The following KHDRBS3 variants were observed in gnomAD, a reference collection of about 807,000 sequenced individuals.
KHDRBS3 encodes KH RNA binding domain containing, signal transduction associated 3, also known as KH domain-containing, RNA-binding, signal transduction-associated protein 3.
KHDRBS3 carries 23 observed loss-of-function variants against 45.6 expected under a neutral mutation model. The ratio of observed to expected loss-of-function variants is 0.50; its 90% CI spans 0.36 to 0.72. The LOEUF (loss-of-function observed/expected upper bound fraction) is 0.72, where lower values mean the gene tolerates loss of function less well. Ranked by LOEUF, KHDRBS3 falls within the 30% of genes least tolerant of loss-of-function variation. The pLI is 0.00. For synonymous variants in KHDRBS3, 162 were observed against 156.5 expected, an observed-to-expected ratio of 1.04 and a Z score of -0.26; for missense variants, 352 against 424.8, an observed-to-expected ratio of 0.83 and a Z score of 1.51.
intron 1 of KHDRBS3, among the ~76,000 whole-genome samples, chr8:135,492,728 G>A (rs1196127515): frequency 1.3e-5 from 2 of 151,954 alleles, no homozygotes; most frequent in East Asian, 3.9e-4. Context: ...AAATCAAGTA[G>A]TGCAAGTTCT....
intron 2 of KHDRBS3, among the ~76,000 whole-genome samples, chr8:135,525,026 G>T (rs1825109132): frequency 6.6e-6 from 1 of 151,968 alleles, no homozygotes; most frequent in South Asian, 2.1e-4. Flanking sequence ...GATTTATTTT[G>T]CACTGGGAGT....
At chr8:135,508,750 A>G (rs1824131699) in intron 1 of KHDRBS3, among the ~76,000 whole-genome samples, 1 of 152,174 alleles carries the variant, frequency 6.6e-6, no homozygotes, top group Admixed American at 6.5e-5. Flanking sequence ...TATTTGATAA[A>G]TGCATTGGGT....
intron 1 of KHDRBS3, among the ~76,000 whole-genome samples, chr8:135,483,423 G>A (rs1822685723): frequency 6.6e-6 from 1 of 152,166 alleles, no homozygotes; most frequent in African/African-American, 2.4e-5. Context: ...GGCTGTCATT[G>A]CCGTCAGATT....
chr8:135,575,279 C>T (rs1311256083), intron 5 of KHDRBS3, among the ~76,000 whole-genome samples: 3 of 152,154 alleles, frequency 2.0e-5, no homozygotes, highest in Admixed American at 6.5e-5. Context: ...AGAAATATTA[C>T]GTCCTTCTCC....
intron 1 of KHDRBS3, among the ~76,000 whole-genome samples, chr8:135,512,850 A>C (rs1017117620): frequency 3.3e-5 from 5 of 152,238 alleles, no homozygotes; most frequent in Non-Finnish European, 7.3e-5. Context: ...AGTTTTATAC[A>C]GCAAAACAGG....
At chr8:135,464,043 C>T (rs1821572082) in intron 1 of KHDRBS3, among the ~76,000 whole-genome samples, 1 of 152,136 alleles carries the variant, frequency 6.6e-6, no homozygotes, top group Non-Finnish European at 1.5e-5. Context: ...GGCTCAAAAA[C>T]ACTAAGTAAC....
In KHDRBS3 at chr8:135,536,234, GTTTTTT is replaced by G. The variant is rs374782370; in HGVS notation, c.208-6397_208-6392del. ...TCAGTGTTAATTTGCTTTCTGTCCA[GTTTTTT>G]TTTTTTTTTTTTTTTTTTTTTTATT... On this transcript the variant is annotated intron_variant, in intron 2 of 8. Transcript: ENST00000355849. Among the ~76,000 whole-genome samples the G allele has an allele frequency of 4.2e-3, 362 of 86,396 alleles. 1 individual carries two copies. Among genetic ancestry groups the G allele is most frequent in the African/African-American group, 0.011 (319 of 28,304 alleles). The allele number at this position is 86,396 out of a possible 152,430, so 56.7% of individuals were successfully genotyped here.
At chr8:135,589,371 AG>A (rs947427888) in intron 6 of KHDRBS3, among the ~76,000 whole-genome samples, 2 of 152,200 alleles carry the variant, frequency 1.3e-5, no homozygotes, top group Non-Finnish European at 2.9e-5. Flanking sequence ...TAGTCTCTTC[AG>A]GATAAAGTTG....
At chr8:135,512,434 G>GGGT (rs1824342231) in intron 1 of KHDRBS3, among the ~76,000 whole-genome samples, 1 of 135,110 alleles carries the variant, frequency 7.4e-6, no homozygotes, top group Non-Finnish European at 1.6e-5. Context: ...AAAGTCGGGG[G>GGGT]GGGGGTAATA....
chr8:135,602,769 T>C (rs1471258469), intron 6 of KHDRBS3, among the ~76,000 whole-genome samples: 1 of 152,202 alleles, frequency 6.6e-6, no homozygotes, highest in African/African-American at 2.4e-5. Context: ...CCTTTCTGTT[T>C]CGTGCCCTCA....
At chr8:135,574,963 C>T (rs778167681) in intron 5 of KHDRBS3, among the ~76,000 whole-genome samples, 45 of 152,166 alleles carry the variant, frequency 3.0e-4, no homozygotes, top group Non-Finnish European at 1.6e-4. Context: ...CTGACCTGGA[C>T]AGTTCAGACC....
In KHDRBS3 at chr8:135,466,545, C is replaced by T. The variant is rs117120918; in HGVS notation, c.88+8591C>T. Among the ~76,000 whole-genome samples the T allele has an allele frequency of 1.5e-4, 23 of 152,320 alleles. No homozygotes were observed. In the East Asian group the frequency reaches 3.3e-3, roughly 22 times the overall value. Reference sequence around the variant, plus strand: ...ATGTTTATTTTGGGGGAAAATTATACTCCTCACAGTTAATTTGCTTTGGAA... The same window carrying T: ...ATGTTTATTTTGGGGGAAAATTATATTCCTCACAGTTAATTTGCTTTGGAA... On this transcript the variant is annotated intron_variant, in intron 1 of 8. Coordinates refer to ENST00000355849, the MANE Select transcript of KHDRBS3 (RefSeq NM_006558.3).
intron 4 of KHDRBS3, among the ~76,000 whole-genome samples, chr8:135,552,954 T>A (rs912487522): frequency 6.6e-6 from 1 of 152,160 alleles, no homozygotes; most frequent in Non-Finnish European, 1.5e-5. Context: ...GCTTTTCTGT[T>A]GCTCTGGGAT....
At chr8:135,586,464 CCT>C (rs745977208) in intron 6 of KHDRBS3, among the ~76,000 whole-genome samples, 6 of 152,244 alleles carry the variant, frequency 3.9e-5, no homozygotes, top group African/African-American at 7.2e-5. Context: ...AATTAAATAA[CCT>C]CTGTGTTCCT....
At chr8:135,496,287 C>G (rs1823444639) in intron 1 of KHDRBS3, among the ~76,000 whole-genome samples, 2 of 151,616 alleles carry the variant, frequency 1.3e-5, no homozygotes, top group Non-Finnish European at 2.9e-5. Flanking sequence ...GGCTGGAGTG[C>G]AGTGGTGTGG....
At chr8:135,575,964 T>A (rs1370770762) in intron 5 of KHDRBS3, among the ~76,000 whole-genome samples, 1 of 152,216 alleles carries the variant, frequency 6.6e-6, no homozygotes, top group Non-Finnish European at 1.5e-5. Flanking sequence ...AGGCTGCTCT[T>A]GGCTGTGACA....
At chr8:135,492,627 C>G (rs1266155040) in intron 1 of KHDRBS3, among the ~76,000 whole-genome samples, 2 of 151,120 alleles carry the variant, frequency 1.3e-5, no homozygotes, top group Non-Finnish European at 3.0e-5. Flanking sequence ...GGATCTGATT[C>G]TGAACACCAT....
chr8:135,521,800 G>T (rs1824923587), intron 2 of KHDRBS3, among the ~76,000 whole-genome samples: 1 of 152,076 alleles, frequency 6.6e-6, no homozygotes, highest in Admixed American at 6.5e-5. Flanking sequence ...TGTATTAGTA[G>T]TTCATTTCTT....
chr8:135,522,045 A>G (rs554354258), intron 2 of KHDRBS3, among the ~76,000 whole-genome samples: 142 of 152,262 alleles, frequency 9.3e-4, no homozygotes, highest in Non-Finnish European at 1.7e-3. Context: ...GGTTTGCCCC[A>G]TCACCTAGGT....
Sources: gnomAD v4.1 joint callset for allele counts (sites outside exome capture counted in the v4.1 genomes callset) on GRCh38, gnomAD v4.1.1 for gene constraint, MANE v1.5 for transcripts, NCBI Gene and HGNC (gene_info 2026-07-23, HGNC 2026-07-21) for gene names.